Variants in NUMB observed in about 807,000 individuals in gnomAD.
NUMB encodes protein numb homolog.
Under a neutral mutation model 59.7 loss-of-function variants are expected in NUMB, and 29 were observed. The observed-to-expected ratio is 0.49, with a 90% CI of 0.36 to 0.66. NUMB has a LOEUF of 0.66. Ranked by LOEUF, NUMB falls within the 30% of genes least tolerant of loss-of-function variation. NUMB has a pLI of 0.00. For missense variants in NUMB, 723 were observed against 822.0 expected (o/e 0.88, Z 1.47); for synonymous variants, 288 against 288.2 (o/e 1.00, Z 0.01).
chr14:73,378,449 C>A (rs765988633), intron 2 of NUMB, among the ~76,000 whole-genome samples: 1 of 152,232 alleles, frequency 6.6e-6, no homozygotes. Context: ...AGCCTGCACA[C>A]AGTTGTTCAC....
intron 2 of NUMB, among the ~76,000 whole-genome samples, chr14:73,405,767 G>C (rs1431180611): frequency 6.7e-6 from 1 of 148,500 alleles, no homozygotes; most frequent in Non-Finnish European, 1.5e-5. Context: ...CAAGTGGGCA[G>C]GACAAACTCT....
chr14:73,391,754 ATCAAG>A (rs529444604), intron 2 of NUMB, among the ~76,000 whole-genome samples: 133 of 152,350 alleles, frequency 8.7e-4, no homozygotes, highest in Non-Finnish European at 1.1e-3. Flanking sequence ...TAATTCAGCA[ATCAAG>A]TGATACCAAC....
intron 1 of NUMB, among the ~76,000 whole-genome samples, chr14:73,419,270 G>A (rs1054773127): frequency 6.6e-6 from 1 of 152,200 alleles, no homozygotes; most frequent in Non-Finnish European, 1.5e-5. Context: ...CAGCACTTTG[G>A]GAGGCCGAGG....
chr14:73,422,990 T>C (rs1897422054), intron 1 of NUMB, among the ~76,000 whole-genome samples: 1 of 151,916 alleles, frequency 6.6e-6, no homozygotes, highest in Non-Finnish European at 1.5e-5. Context: ...TCCTTATAAC[T>C]GACAGATATC....
intron 1 of NUMB, among the ~76,000 whole-genome samples, chr14:73,414,862 G>A (rs1176273263): frequency 2.6e-5 from 4 of 152,172 alleles, no homozygotes; most frequent in Admixed American, 6.5e-5. Flanking sequence ...TGGGACTACA[G>A]GCGCCCACCA....
chr14:73,441,179 T>TA (rs1566798813), intron 1 of NUMB, among the ~76,000 whole-genome samples: 1 of 152,106 alleles, frequency 6.6e-6, no homozygotes, highest in East Asian at 1.9e-4. Flanking sequence ...TCCAAGAAGA[T>TA]AGACAAATGG....
At chr14:73,339,272 G>GTATTGA (rs1892508669) in intron 4 of NUMB, among the ~76,000 whole-genome samples, 1 of 152,184 alleles carries the variant, frequency 6.6e-6, no homozygotes, top group African/African-American at 2.4e-5. Flanking sequence ...TGATAGGGCT[G>GTATTGA]ACAGTATTGA....
intron 1 of NUMB, among the ~76,000 whole-genome samples, chr14:73,437,625 A>T (rs1898113961): frequency 6.6e-6 from 1 of 152,232 alleles, no homozygotes; most frequent in Non-Finnish European, 1.5e-5. Context: ...TAACACAATA[A>T]CATGGATGAA....
chr14:73,330,886 C>T (rs182034481), intron 4 of NUMB, among the ~76,000 whole-genome samples: 9 of 152,214 alleles, frequency 5.9e-5, no homozygotes, highest in African/African-American at 1.7e-4. Context: ...AAGCTGGAAA[C>T]CCAGGGATAC....
chr14:73,354,524 A>G (rs947344771), intron 4 of NUMB, among the ~76,000 whole-genome samples: 10 of 150,284 alleles, frequency 6.7e-5, no homozygotes, highest in Admixed American at 6.6e-5. Context: ...AAAAAAAAAA[A>G]AAAAGAATAT....
chr14:73,386,588 A>C (rs1234607699), intron 2 of NUMB, among the ~76,000 whole-genome samples: 1 of 152,176 alleles, frequency 6.6e-6, no homozygotes, highest in Non-Finnish European at 1.5e-5. Context: ...AAAGGCTTTG[A>C]ATAACTCTCC....
At chr14:73,332,692 T>C (rs1041173220) in intron 4 of NUMB, among the ~76,000 whole-genome samples, 1 of 38,262 alleles carries the variant, frequency 2.6e-5, no homozygotes, top group African/African-American at 1.6e-4. Flanking sequence ...GAGAAAAATA[T>C]TGTTTATTTG....
chr14:73,294,539 T>C (rs177368), intron 7 of NUMB, among the ~76,000 whole-genome samples: 84,866 of 151,492 alleles, frequency 0.56, 24,463 homozygotes, highest in East Asian at 0.73. Flanking sequence ...TTTTTTGAGA[T>C]AGTCTTGCTC....
At chr14:73,448,373 A>G (rs1883686013) in intron 1 of NUMB, among the ~76,000 whole-genome samples, 2 of 152,098 alleles carry the variant, frequency 1.3e-5, no homozygotes, top group Admixed American at 1.3e-4. Context: ...TTAATTTATA[A>G]TAGAGATAGG....
intron 4 of NUMB, among the ~76,000 whole-genome samples, chr14:73,351,501 T>TA (rs1463160802): frequency 2.0e-4 from 30 of 151,834 alleles, no homozygotes; most frequent in Non-Finnish European, 3.4e-4. Flanking sequence ...ATAAATAAAT[T>TA]AATTAATTAA....
At chr14:73,457,948 C>G (rs973819708) in intron 1 of NUMB, 1 of 152,634 alleles carries the variant, frequency 6.6e-6, no homozygotes, top group African/African-American at 2.4e-5. Context: ...CCCTGGCCAC[C>G]CTCGGCCTTC....
In NUMB at chr14:73,427,605, C is replaced by CA. The variant is rs573700966; in HGVS notation, c.-232-17538dup. Among the ~76,000 whole-genome samples, 531 of 152,184 alleles carry CA rather than the reference C, an allele frequency of 3.5e-3. 5 individuals carry two copies. The highest frequency in any genetic ancestry group is 0.012 in the African/African-American group (499 of 41,528). ...TCTAGAATTGGGGTCTAGAGGCAAT[C>CA]AAAACTACTGTACAAGAAAGAGAAA... On this transcript the variant is annotated intron_variant, in intron 1 of 12. Transcript: ENST00000555238.
chr14:73,375,459 A>G lies in NUMB; in HGVS notation c.-100-8478T>C, dbSNP rs78125731. On this transcript the variant is annotated intron_variant, in intron 2 of 12. Coordinates refer to ENST00000555238, the MANE Select transcript of NUMB (RefSeq NM_001005743.2). ...TCCCAGGTAATGTGTGTCATTAACT[A>G]TGCATATTAAACTGATTCTCAAAAA... 4.8e-3 allele frequency among the ~76,000 whole-genome samples: 737 copies of G among 152,348 alleles called. 35 individuals are homozygous for G. In the East Asian group the frequency reaches 0.11, roughly 23 times the overall value.
intron 6 of NUMB, among the ~76,000 whole-genome samples, chr14:73,307,937 G>A (rs539966090): frequency 6.6e-6 from 1 of 152,044 alleles, no homozygotes; most frequent in East Asian, 1.9e-4. Context: ...GTTTCACCGT[G>A]TTAGCCAGGA....
Sources: gnomAD v4.1 joint callset for allele counts (sites outside exome capture counted in the v4.1 genomes callset) on GRCh38, gnomAD v4.1.1 for gene constraint, MANE v1.5 for transcripts, NCBI Gene and HGNC (gene_info 2026-07-23, HGNC 2026-07-21) for gene names.